The following DUSP13A variants were observed in gnomAD, a reference collection of about 807,000 sequenced individuals.
The protein encoded by DUSP13A is dual specificity protein phosphatase 13A.
chr10:75,108,896 T>C, the DUSP13A span: 1 of 1,368,398 alleles, frequency 7.3e-7, no homozygotes, highest in Non-Finnish European at 9.7e-7. Context: ...TGGCCTGGGA[T>C]GGTCAGAGCA....
chr10:75,108,041 G>A, the DUSP13A span: 2 of 1,613,860 alleles, frequency 1.2e-6, no homozygotes, highest in South Asian at 1.1e-5. Flanking sequence ...CAGAGGAGAA[G>A]TAGGCACTGA....
chr10:75,107,768 G>T, the DUSP13A span, among the ~76,000 whole-genome samples: 21 of 152,200 alleles, frequency 1.4e-4, no homozygotes, highest in Non-Finnish European at 2.9e-5. Context: ...GTAGAGACGA[G>T]GTTTCACCGT....
chr10:75,105,841 C>T, the DUSP13A span: 1 of 1,550,560 alleles, frequency 6.4e-7, no homozygotes, highest in Non-Finnish European at 8.7e-7. Flanking sequence ...GCGGCTCACG[C>T]CCACCACACA....
the DUSP13A span, chr10:75,108,927 C>T: frequency 2.7e-5 from 41 of 1,502,166 alleles, no homozygotes; most frequent in Non-Finnish European, 3.7e-5. Context: ...TCCTTGTTTC[C>T]ACCCTCCTGT....
the DUSP13A span, chr10:75,107,951 A>G: frequency 6.4e-7 from 1 of 1,570,294 alleles, no homozygotes; most frequent in Non-Finnish European, 8.6e-7. Flanking sequence ...CCTCCCCATG[A>G]ATGAGCAAGA....
chr10:75,106,613 G>A, the DUSP13A span, among the ~76,000 whole-genome samples: 1 of 152,176 alleles, frequency 6.6e-6, no homozygotes, highest in Non-Finnish European at 1.5e-5. Context: ...CACCCCCGCC[G>A]TGTGCTCCCA....
At chr10:75,108,062 A>G in the DUSP13A span, 3 of 1,613,916 alleles carry the variant, frequency 1.9e-6, no homozygotes, top group Non-Finnish European at 2.5e-6. Flanking sequence ...TGTCAAAATC[A>G]GGGAGGTCGT....
the DUSP13A span, chr10:75,108,262 G>T: frequency 6.5e-7 from 1 of 1,540,494 alleles, no homozygotes; most frequent in South Asian, 1.2e-5. Flanking sequence ...GGACCAGGAG[G>T]GAGGCTGTGC....
At chr10:75,108,378 G>A in the DUSP13A span, 5 of 1,280,182 alleles carry the variant, frequency 3.9e-6, no homozygotes, top group Non-Finnish European at 2.1e-6. Flanking sequence ...CCAGAGCCCC[G>A]CACTTTCTGG....
chr10:75,106,056 A>G, the DUSP13A span, among the ~76,000 whole-genome samples: 1 of 147,536 alleles, frequency 6.8e-6, no homozygotes. Flanking sequence ...TGTTCTGCCT[A>G]CCCTTGGGAT....
the DUSP13A span, chr10:75,108,052 T>A: frequency 1.2e-6 from 2 of 1,613,892 alleles, no homozygotes; most frequent in Middle Eastern, 1.7e-4. Context: ...TAGGCACTGA[T>A]GTCAAAATCA....
chr10:75,109,016 C>G, the DUSP13A span: 1 of 1,607,772 alleles, frequency 6.2e-7, no homozygotes, highest in Non-Finnish European at 8.5e-7. Flanking sequence ...CACGCATCTC[C>G]TATGAAAAGG....
chr10:75,105,960 C>T, the DUSP13A span: 1 of 1,176,274 alleles, frequency 8.5e-7, no homozygotes. Flanking sequence ...CTGACCCTGC[C>T]TTGGGTGCAC....
At chr10:75,105,721 A>G in the DUSP13A span, 7 of 1,554,096 alleles carry the variant, frequency 4.5e-6, no homozygotes, top group East Asian at 9.7e-5. Context: ...GAGCTGGTGC[A>G]GGAAGCCTCG....
chr10:75,108,216 A>C, the DUSP13A span: 1 of 1,584,904 alleles, frequency 6.3e-7, no homozygotes, highest in Non-Finnish European at 8.6e-7. Context: ...GGCCCTGGGG[A>C]GGGCAGGAAG....
the DUSP13A span, chr10:75,108,871 C>T: frequency 8.6e-7 from 1 of 1,164,482 alleles, no homozygotes; most frequent in Non-Finnish European, 1.2e-6. Flanking sequence ...CCCCGGGGGT[C>T]CTGGAGAAGG....
At chr10:75,108,042 T>C in the DUSP13A span, 2 of 1,613,676 alleles carry the variant, frequency 1.2e-6, no homozygotes, top group South Asian at 1.1e-5. Flanking sequence ...AGAGGAGAAG[T>C]AGGCACTGAT....
chr10:75,108,147 G>A, the DUSP13A span: 1 of 1,612,964 alleles, frequency 6.2e-7, no homozygotes, highest in African/African-American at 1.3e-5. Context: ...GCCCTTGTGG[G>A]CGGCGTTCAG....
chr10:75,108,772 G>A, the DUSP13A span, among the ~76,000 whole-genome samples: 1 of 152,094 alleles, frequency 6.6e-6, no homozygotes, highest in Non-Finnish European at 1.5e-5. Context: ...AATGTTTCCT[G>A]GAACTCCTGG....
Sources: gnomAD v4.1 joint callset for allele counts (sites outside exome capture counted in the v4.1 genomes callset) on GRCh38, gnomAD v4.1.1 for gene constraint, MANE v1.5 for transcripts, NCBI Gene and HGNC (gene_info 2026-07-23, HGNC 2026-07-21) for gene names.